RBFOX3: variants seen among roughly 807,000 people sequenced by gnomAD.
RBFOX3 encodes RNA binding fox-1 homolog 3.
A neutral mutation model predicts 48.7 loss-of-function variants in RBFOX3; 17 were observed. The ratio of observed to expected loss-of-function variants is 0.35; its 90% CI spans 0.24 to 0.52. The LOEUF (loss-of-function observed/expected upper bound fraction) is 0.52, where lower values mean the gene tolerates loss of function less well. Ranked by LOEUF, RBFOX3 falls within the 20% of genes least tolerant of loss-of-function variation. RBFOX3 has a pLI of 0.94. For synonymous variants in RBFOX3, 212 were observed against 209.5 expected (o/e 1.01, Z -0.10); for missense variants, 382 against 497.5 (o/e 0.77, Z 2.21).
At chr17:79,548,598 A>T (rs1056160136) in intron 1 of RBFOX3, among the ~76,000 whole-genome samples, 3 of 152,238 alleles carry the variant, frequency 2.0e-5, no homozygotes, top group African/African-American at 7.2e-5. Flanking sequence ...CAGATGCTGG[A>T]GAGGGGCCCA....
chr17:79,307,884 T>C (rs2076300212), intron 2 of RBFOX3, 60 bp from the exon 3 acceptor site: 1 of 153,650 alleles, frequency 6.5e-6, no homozygotes, highest in Non-Finnish European at 1.5e-5. Context: ...ATATCTAGAG[T>C]GCATCAGACG....
At chr17:79,655,423 A>G in the RBFOX3 span, among the ~76,000 whole-genome samples, 17 of 152,316 alleles carry the variant, frequency 1.1e-4, no homozygotes, top group African/African-American at 3.9e-4. Context: ...AGTAACTGTC[A>G]AATAGAAAGT....
intron 4 of RBFOX3, among the ~76,000 whole-genome samples, chr17:79,227,785 C>T (rs2060493196): frequency 6.6e-6 from 1 of 152,216 alleles, no homozygotes; most frequent in Non-Finnish European, 1.5e-5. Flanking sequence ...GGAAGGTAGG[C>T]TCGGGGCCTC....
upstream of RBFOX3, among the ~76,000 whole-genome samples, chr17:79,611,183 TTC>T (rs1196349028): frequency 0.83 from 34,500 of 41,518 alleles, 15,097 homozygotes; most frequent in Non-Finnish European, 0.89. Context: ...TCCGCCCTCC[TTC>T]TCTCTCTCTC....
At chr17:79,373,753 A>G (rs1290595262) in intron 2 of RBFOX3, among the ~76,000 whole-genome samples, 1 of 152,062 alleles carries the variant, frequency 6.6e-6, no homozygotes, top group African/African-American at 2.4e-5. Context: ...CCAGCAAGTC[A>G]CGGGCCACCC....
At chr17:79,124,176 G>C (rs932666460) in intron 4 of RBFOX3, among the ~76,000 whole-genome samples, 1 of 152,218 alleles carries the variant, frequency 6.6e-6, no homozygotes, top group Non-Finnish European at 1.5e-5. Flanking sequence ...CCTGGTGGGA[G>C]CATTTACACC....
At chr17:79,248,709 C>CG (rs1297492800) in intron 3 of RBFOX3, among the ~76,000 whole-genome samples, 8 of 152,166 alleles carry the variant, frequency 5.3e-5, no homozygotes, top group Admixed American at 6.5e-5. Context: ...ACAACCCTAT[C>CG]GGGGGGTGCT....
At chr17:79,430,269 C>CAGAT (rs140105883) in intron 2 of RBFOX3, among the ~76,000 whole-genome samples, 1 of 143,938 alleles carries the variant, frequency 6.9e-6, no homozygotes, top group African/African-American at 2.6e-5. Flanking sequence ...AAACATCTTC[C>CAGAT]AAATAAATAA....
chr17:79,118,679 G>C (rs2034797735), intron 4 of RBFOX3, among the ~76,000 whole-genome samples: 1 of 152,064 alleles, frequency 6.6e-6, no homozygotes, highest in Non-Finnish European at 1.5e-5. Flanking sequence ...GCCTGAGAAA[G>C]AGTGGGCTCC....
At position 79,574,961 on chromosome 17, in the gene RBFOX3, G is replaced by A. The variant is rs929506860; in HGVS notation, c.-320+35865C>T. 1.8e-4 allele frequency among the ~76,000 whole-genome samples: 28 copies of A among 152,324 alleles called. No homozygotes were observed. In the South Asian group the frequency reaches 3.3e-3, roughly 18 times the overall value. On this transcript the variant is annotated intron_variant, in intron 1 of 14. Transcript: ENST00000693108. ...GTTTGCATCTCTAACCAGCTCCTGC[G>A]TGATGCCGCTGCTGGTCCAAGGATC...
At chr17:79,441,812 G>C (rs894692144) in intron 2 of RBFOX3, among the ~76,000 whole-genome samples, 1 of 152,278 alleles carries the variant, frequency 6.6e-6, no homozygotes, top group South Asian at 2.1e-4. Context: ...CACAGGCCTC[G>C]GCCAGCCAGG....
At chr17:79,580,235 T>G (rs1327921875) in intron 1 of RBFOX3, among the ~76,000 whole-genome samples, 4 of 149,192 alleles carry the variant, frequency 2.7e-5, no homozygotes, top group African/African-American at 9.9e-5. Context: ...ATCATTATCA[T>G]CTCCATCTCC....
At chr17:79,325,235 T>A (rs1367677507) in intron 2 of RBFOX3, among the ~76,000 whole-genome samples, 10 of 152,154 alleles carry the variant, frequency 6.6e-5, no homozygotes, top group Non-Finnish European at 2.9e-5. Context: ...CCCAGCCCCC[T>A]GGGTGGGCTC....
chr17:79,177,422 C>T (rs150339179), intron 4 of RBFOX3, among the ~76,000 whole-genome samples: 1 of 152,208 alleles, frequency 6.6e-6, no homozygotes, highest in African/African-American at 2.4e-5. Flanking sequence ...CCCCGCTGTG[C>T]CAGGCTGGAG....
At chr17:79,515,000 C>T (rs2085039013) in intron 1 of RBFOX3, among the ~76,000 whole-genome samples, 1 of 152,180 alleles carries the variant, frequency 6.6e-6, no homozygotes, top group African/African-American at 2.4e-5. Flanking sequence ...TCTTTGCTGC[C>T]TGGGGTGAGG....
intron 2 of RBFOX3, among the ~76,000 whole-genome samples, chr17:79,322,968 C>G (rs1277714344): frequency 1.3e-5 from 2 of 152,220 alleles, no homozygotes; most frequent in Admixed American, 1.3e-4. Context: ...CCTGAGCTCA[C>G]TTGTCACAAG....
At position 79,411,117 on chromosome 17, in the gene RBFOX3, G is replaced by A. The variant is rs185915914; in HGVS notation, c.-175+71337C>T. 1.1e-4 allele frequency among the ~76,000 whole-genome samples: 16 copies of A among 152,156 alleles called. No homozygotes were observed. The East Asian group carries it at 2.5e-3, about 24-fold the overall frequency. ...GAACCACCTTGAGCACATTTTTTTC[G>A]TGCCCCGGCACCAGGCGCTGTGCCG... On this transcript the variant is annotated intron_variant, in intron 2 of 14. Coordinates refer to ENST00000693108, the MANE Select transcript of RBFOX3 (RefSeq NM_001350451.2).
chr17:79,366,302 C>T (rs1038306470), intron 2 of RBFOX3, among the ~76,000 whole-genome samples: 1 of 152,242 alleles, frequency 6.6e-6, no homozygotes, highest in Non-Finnish European at 1.5e-5. Flanking sequence ...GTATAAAGAA[C>T]AGCAGAGCCC....
intron 1 of RBFOX3, among the ~76,000 whole-genome samples, chr17:79,499,484 T>C (rs2082099372): frequency 6.6e-6 from 1 of 152,138 alleles, no homozygotes; most frequent in Non-Finnish European, 1.5e-5. Flanking sequence ...ATCCATTCAT[T>C]CATCCACAAA....
Sources: allele counts gnomAD v4.1 joint callset (sites outside exome capture counted in the v4.1 genomes callset), GRCh38; gene constraint gnomAD v4.1.1; transcripts MANE v1.5; gene names NCBI Gene and HGNC (gene_info 2026-07-23, HGNC 2026-07-21).